SYN3: variants seen among roughly 807,000 people sequenced by gnomAD.
SYN3 encodes synapsin-3.
A neutral mutation model predicts 65.8 loss-of-function variants in SYN3; 35 were observed. That is an observed-to-expected ratio of 0.53 (90% CI 0.41 to 0.70). The LOEUF is 0.70. Ranked by LOEUF, SYN3 falls within the 30% of genes least tolerant of loss-of-function variation. SYN3 has a pLI of 0.00. For synonymous variants in SYN3, 270 were observed against 292.9 expected (o/e 0.92, Z 0.80); for missense variants, 680 against 749.0 (o/e 0.91, Z 1.08).
At chr22:32,761,374 C>T (rs1035568986) in intron 6 of SYN3, among the ~76,000 whole-genome samples, 7 of 152,272 alleles carry the variant, frequency 4.6e-5, no homozygotes, top group South Asian at 4.1e-4. Context: ...AAGCCATGCG[C>T]GTGAGTCACG....
At position 32,851,204 on chromosome 22, in the gene SYN3, A is replaced by C. The variant is rs111912031; in HGVS notation, c.711+13711T>G. Reference sequence around the variant, plus strand: ...CGGGAATGCCAAAGCATATTAGACCAAAGCAGAGGTTCAGAAAACACACGA... The same window carrying C: ...CGGGAATGCCAAAGCATATTAGACCCAAGCAGAGGTTCAGAAAACACACGA... On this transcript the variant is annotated intron_variant, in intron 6 of 13. Coordinates refer to ENST00000358763, the MANE Select transcript of SYN3 (RefSeq NM_003490.4). Among the ~76,000 whole-genome samples, 3 of 152,158 alleles carry C rather than the reference A, an allele frequency of 2.0e-5. No homozygotes were observed. In the South Asian group the frequency reaches 6.2e-4, roughly 32 times the overall value.
intron 3 of SYN3, among the ~76,000 whole-genome samples, chr22:32,940,199 CTT>C (rs1033283993): frequency 1.2e-4 from 18 of 151,932 alleles, no homozygotes; most frequent in African/African-American, 4.4e-4. Context: ...CATTTGTATT[CTT>C]GTTTGCATTT....
intron 3 of SYN3, among the ~76,000 whole-genome samples, chr22:32,969,747 T>C (rs1008632988): frequency 1.3e-5 from 2 of 152,184 alleles, no homozygotes; most frequent in Non-Finnish European, 2.9e-5. Flanking sequence ...CCTGGCTCTA[T>C]CCTTCCATGA....
At position 32,838,406 on chromosome 22, in the gene SYN3, C is replaced by T. The variant is rs57548157; in HGVS notation, c.711+26509G>A. 8.5e-3 allele frequency among the ~76,000 whole-genome samples: 1,297 copies of T among 152,222 alleles called. 21 individuals are homozygous for T. The highest frequency in any genetic ancestry group is 0.03 in the African/African-American group (1,226 of 41,530). On this transcript the variant is annotated intron_variant, in intron 6 of 13. Coordinates refer to ENST00000358763, the MANE Select transcript of SYN3 (RefSeq NM_003490.4). ...AGAGGGGCAGCTGGAGGCCAGAGGG[C>T]CTGCAGAGGAGTCAGCAGGTCTAGC...
At chr22:32,955,581 T>C (rs1029726997) in intron 3 of SYN3, among the ~76,000 whole-genome samples, 15 of 152,142 alleles carry the variant, frequency 9.9e-5, no homozygotes, top group African/African-American at 3.6e-4. Context: ...AAGTGTACAT[T>C]TTAGTGGCAT....
At chr22:33,052,755 T>G (rs2054191384) in intron 1 of SYN3, among the ~76,000 whole-genome samples, 1 of 152,254 alleles carries the variant, frequency 6.6e-6, no homozygotes, top group Non-Finnish European at 1.5e-5. Flanking sequence ...TGGCTAATAA[T>G]TCCTAGAAGG....
chr22:32,990,301 A>AATCCATCCATGAATCCATCC (rs1556091913), intron 2 of SYN3, among the ~76,000 whole-genome samples: 141 of 139,534 alleles, frequency 1.0e-3, no homozygotes, highest in East Asian at 8.6e-3. Context: ...TCCATCCATG[A>AATCCATCCATGAATCCATCC]ATCCATCCAT....
chr22:32,949,551 C>T (rs561461505), intron 3 of SYN3, among the ~76,000 whole-genome samples: 8 of 152,246 alleles, frequency 5.3e-5, no homozygotes, highest in South Asian at 2.1e-4. Context: ...CCCACACACA[C>T]GCATGCATGC....
At chr22:33,032,745 A>G (rs2053777550) in intron 1 of SYN3, among the ~76,000 whole-genome samples, 1 of 151,926 alleles carries the variant, frequency 6.6e-6, no homozygotes, top group Non-Finnish European at 1.5e-5. Flanking sequence ...ACAAAGCTGG[A>G]CTCTTTCAAC....
At chr22:32,888,956 T>A (rs1052243744) in intron 4 of SYN3, among the ~76,000 whole-genome samples, 1 of 152,200 alleles carries the variant, frequency 6.6e-6, no homozygotes, top group Non-Finnish European at 1.5e-5. Context: ...CACATTGAGG[T>A]TGAAGGGAAA....
intron 6 of SYN3, among the ~76,000 whole-genome samples, chr22:32,828,420 G>C (rs1282686810): frequency 1.3e-5 from 2 of 152,238 alleles, no homozygotes; most frequent in Non-Finnish European, 1.5e-5. Flanking sequence ...TGCTGTGTTA[G>C]AGCCAGCCTC....
At chr22:32,676,528 C>CTTTTTTTTT (rs879196572) in intron 6 of SYN3, among the ~76,000 whole-genome samples, 75 of 88,924 alleles carry the variant, frequency 8.4e-4, no homozygotes, top group Middle Eastern at 7.2e-3. Context: ...TCTTTTCTTT[C>CTTTTTTTTT]TTTTTTTTTT....
At chr22:32,828,395 C>G (rs141528124) in intron 6 of SYN3, among the ~76,000 whole-genome samples, 300 of 152,336 alleles carry the variant, frequency 2.0e-3, no homozygotes, top group African/African-American at 6.7e-3. Flanking sequence ...CTAAAAAATT[C>G]TGCCATCTGC....
intron 6 of SYN3, among the ~76,000 whole-genome samples, chr22:32,799,159 A>T (rs557924335): frequency 1.1e-4 from 16 of 152,218 alleles, no homozygotes; most frequent in African/African-American, 3.9e-4. Context: ...CTACGCAAGG[A>T]TTCATGGAGT....
At chr22:32,517,052 A>T (rs913714653) in intron 13 of SYN3, among the ~76,000 whole-genome samples, 4 of 152,160 alleles carry the variant, frequency 2.6e-5, no homozygotes, top group African/African-American at 7.2e-5. Flanking sequence ...AGGAAACAGG[A>T]TGTATATGTG....
intron 4 of SYN3, among the ~76,000 whole-genome samples, chr22:32,884,285 C>T (rs1569302064): frequency 1.3e-5 from 2 of 152,196 alleles, no homozygotes; most frequent in African/African-American, 4.8e-5. Flanking sequence ...TCCAATAGCC[C>T]CAGGGGTCAA....
chr22:32,882,008 T>C (rs530099020), intron 4 of SYN3, among the ~76,000 whole-genome samples: 6 of 149,842 alleles, frequency 4.0e-5, no homozygotes, highest in Non-Finnish European at 7.4e-5. Context: ...TGAGCCGAGA[T>C]CATGCCACTG....
At chr22:32,999,724 GC>G (rs1251708610) in intron 2 of SYN3, among the ~76,000 whole-genome samples, 2 of 151,496 alleles carry the variant, frequency 1.3e-5, no homozygotes, top group African/African-American at 4.9e-5. Flanking sequence ...AACAATAAAA[GC>G]ACAGGAAGCA....
Position 32,750,218 on chromosome 22 carries a change from C to T in SYN3, c.711+114697G>A, listed in dbSNP as rs144770521. ...TAAATCAAGAGAAGGGGACAGAGAACGCCATGGGTTAGAATGGGTTCAAGT... is the reference window on the plus strand; with the variant it reads ...TAAATCAAGAGAAGGGGACAGAGAATGCCATGGGTTAGAATGGGTTCAAGT... On this transcript the variant is annotated intron_variant, in intron 6 of 13. Coordinates refer to ENST00000358763, the MANE Select transcript of SYN3 (RefSeq NM_003490.4). Among the ~76,000 whole-genome samples, 475 of 152,256 alleles carry T rather than the reference C, an allele frequency of 3.1e-3. 2 individuals carry two copies. The highest frequency in any genetic ancestry group is 6.8e-3 in the Middle Eastern group (2 of 292).
Sources: gnomAD v4.1 joint callset for allele counts (sites outside exome capture counted in the v4.1 genomes callset) on GRCh38, gnomAD v4.1.1 for gene constraint, MANE v1.5 for transcripts, NCBI Gene and HGNC (gene_info 2026-07-23, HGNC 2026-07-21) for gene names.